KANK4: variants seen among roughly 807,000 people sequenced by gnomAD.
KANK4 encodes KN motif and ankyrin repeat domain-containing protein 4.
Under a neutral mutation model 80.8 loss-of-function variants are expected in KANK4, and 50 were observed. The observed-to-expected ratio is 0.62, with a 90% CI of 0.49 to 0.78. The LOEUF (loss-of-function observed/expected upper bound fraction) is 0.78. KANK4 is among the 30% of genes least tolerant of loss of function. The pLI is 0.00. For synonymous variants in KANK4, 465 were observed against 506.9 expected, an observed-to-expected ratio of 0.92 and a Z score of 1.11; for missense variants, 1,196 against 1,240.1, an observed-to-expected ratio of 0.96 and a Z score of 0.53.
chr1:62,267,731 G>A (rs1419892026), intron 5 of KANK4, among the ~76,000 whole-genome samples: 2 of 151,452 alleles, frequency 1.3e-5, no homozygotes, highest in Non-Finnish European at 2.9e-5. Flanking sequence ...GAACCCAAGA[G>A]GCAGAGGTTG....
intron 1 of KANK4, among the ~76,000 whole-genome samples, chr1:62,283,976 G>A (rs1672505965): frequency 6.6e-6 from 1 of 152,090 alleles, no homozygotes; most frequent in Non-Finnish European, 1.5e-5. Context: ...ATCATTTCAA[G>A]GCTACAGAAA....
intron 4 of KANK4, among the ~76,000 whole-genome samples, chr1:62,270,497 G>C (rs1002036664): frequency 1.1e-4 from 17 of 151,592 alleles, no homozygotes; most frequent in African/African-American, 3.9e-4. Flanking sequence ...CGATTCTCCT[G>C]CCTCAGCCTC....
At chr1:62,285,918 C>T (rs1045783965) in intron 1 of KANK4, among the ~76,000 whole-genome samples, 20 of 152,202 alleles carry the variant, frequency 1.3e-4, no homozygotes, top group Admixed American at 9.2e-4. Flanking sequence ...GGCATCTGAC[C>T]GCTGCTTCTA....
At chr1:62,278,691 G>A (rs75033759) in intron 2 of KANK4, among the ~76,000 whole-genome samples, 6,430 of 151,962 alleles carry the variant, frequency 0.042, 323 homozygotes, top group African/African-American at 0.13. Flanking sequence ...CACCACGCCC[G>A]GCTGACCCAC....
At position 62,237,107 on chromosome 1, in the gene KANK4, C is replaced by G. The variant is rs919151832; in HGVS notation, c.*1170G>C. ...CAATGTAAAGCTCATCAAACTTTGA[C>G]ATTACTTCTTTTTATATAAGGGGCT... On this transcript the variant is annotated 3_prime_UTR_variant, in exon 10 of 10. Coordinates refer to ENST00000371153, the MANE Select transcript of KANK4 (RefSeq NM_181712.5). 4.1e-5 allele frequency: 6 copies of G among 146,232 alleles called. No individual in the cohort carries two copies. The highest frequency in any genetic ancestry group is 1.5e-4 in the African/African-American group (6 of 39,852). The allele number at this position is 146,232 out of a possible 1,614,324, so 9.1% of individuals were successfully genotyped here.
chr1:62,247,831 T>G (rs1671508781), intron 8 of KANK4, among the ~76,000 whole-genome samples, 159 bp from the exon 9 acceptor site: 1 of 151,904 alleles, frequency 6.6e-6, no homozygotes, highest in Non-Finnish European at 1.5e-5. Flanking sequence ...CTTGGCAAAA[T>G]TCTACTCTTT....
At position 62,271,490 on chromosome 1, in the gene KANK4, C is replaced by T. The variant is rs200224484; in HGVS notation, c.2000G>A (p.Gly667Glu). 281 of 1,612,368 alleles carry T rather than the reference C, an allele frequency of 1.7e-4. No individual in the cohort carries two copies. Among genetic ancestry groups the T allele is most frequent in the Non-Finnish European group, 2.2e-4 (259 of 1,178,544 alleles). Residue 667 changes from glycine to glutamate, a missense_variant, in exon 4 of 10, where the codon GGG becomes GAG. By Grantham distance (98) the Gly-to-Glu change is moderately conservative. This residue lies in a region of KANK4 where 1,154 missense variants were observed against 1,179.6 expected (regional missense o/e 0.98). Coordinates refer to ENST00000371153, the MANE Select transcript of KANK4 (RefSeq NM_181712.5). ...AAGCGATGCTTACCCACCGTTAACC[C>T]CAACAAACTGAAGGTTCTTTTTGGT... ...NGTKKNLQFV[G>E]VNGGYETTSS...
chr1:62,275,867 A>AG (rs201978052), intron 2 of KANK4, among the ~76,000 whole-genome samples: 2,881 of 54,656 alleles, frequency 0.053, 55 homozygotes, highest in South Asian at 0.16. Flanking sequence ...GGAGGAAGGA[A>AG]GGGAGGAAGG....
At chr1:62,309,295 A>C (rs1057124969) in intron 1 of KANK4, among the ~76,000 whole-genome samples, 1 of 152,144 alleles carries the variant, frequency 6.6e-6, no homozygotes, top group East Asian at 1.9e-4. Context: ...TTACCTCCCA[A>C]AGATTGCATG....
chr1:62,241,404 A>G (rs751671554), intron 9 of KANK4, among the ~76,000 whole-genome samples: 2 of 152,136 alleles, frequency 1.3e-5, no homozygotes, highest in Non-Finnish European at 2.9e-5. Flanking sequence ...GGCTTCTCAA[A>G]ACATACAAAC....
chr1:62,278,359 TCC>T (rs1672364657), intron 2 of KANK4, among the ~76,000 whole-genome samples: 5 of 28,096 alleles, frequency 1.8e-4, no homozygotes, highest in African/African-American at 1.7e-3. Context: ...CTTCCTTCCT[TCC>T]TTCCTTCCTT....
At chr1:62,263,836 C>T (rs1374990337) in intron 6 of KANK4, among the ~76,000 whole-genome samples, 3 of 152,116 alleles carry the variant, frequency 2.0e-5, no homozygotes, top group Non-Finnish European at 4.4e-5. Flanking sequence ...AACAGGTGTG[C>T]TTGACATGTT....
chr1:62,239,246 T>C (rs886634113), intron 9 of KANK4, among the ~76,000 whole-genome samples: 3 of 152,168 alleles, frequency 2.0e-5, no homozygotes, highest in African/African-American at 7.2e-5. Context: ...AAAGGAATTA[T>C]ATTGTATACC....
In KANK4 at chr1:62,319,261, C is replaced by G. The variant is rs779267382; in HGVS notation, c.-226G>C. The G allele has an allele frequency of 6.6e-6, 1 of 151,910 alleles. No homozygotes were observed. The highest frequency in any genetic ancestry group is 1.5e-5 in the Non-Finnish European group (1 of 67,924). 9.4% of individuals were successfully genotyped at this position (151,910 alleles called of 1,614,324 possible). A position where few individuals can be genotyped will look rare whatever the true frequency, so the allele number is the denominator to read the frequency against. On this transcript the variant is annotated 5_prime_UTR_variant, in exon 1 of 10. Coordinates refer to ENST00000371153, the MANE Select transcript of KANK4 (RefSeq NM_181712.5). ...GGGGCTGGCGCACCCTGGTCGTCCG[C>G]GGCGCGCACACCCTCCAGGCGCCCT...
chr1:62,253,379 T>C (rs1226907077), intron 7 of KANK4, among the ~76,000 whole-genome samples, 170 bp from the exon 8 acceptor site: 1 of 151,034 alleles, frequency 6.6e-6, no homozygotes, highest in Admixed American at 6.7e-5. Context: ...TTAAAGATGG[T>C]TTCTTTTCTT....
chr1:62,259,850 C>T (rs1184103886), intron 7 of KANK4, among the ~76,000 whole-genome samples: 2 of 151,452 alleles, frequency 1.3e-5, no homozygotes, highest in African/African-American at 4.9e-5. Context: ...TAGCAGAAGG[C>T]CACATCTGTG....
chr1:62,274,691 C>A lies in KANK4; in HGVS notation c.413G>T (p.Arg138Ile), dbSNP rs556377113. The change falls in exon 3 of 10, where the codon AGA becomes ATA. Residue 138 changes from arginine to isoleucine, a missense_variant. This residue lies in a region of KANK4 where 1,154 missense variants were observed against 1,179.6 expected (regional missense o/e 0.98). Transcript: ENST00000371153. ...HRKALLAEAT[R>I]QLEAAEPEDA... ...CTCTGGCTCAGCAGCTTCCAACTGT[C>A]TGGTGGCCTCTGCCAACAGAGCCTT... 3.7e-6 allele frequency: 6 copies of A among 1,614,210 alleles called. No homozygotes were observed. The highest frequency in any genetic ancestry group is 3.3e-5 in the Admixed American group (2 of 60,034).
Position 62,274,230 on chromosome 1 carries a change from G to C in KANK4, c.874C>G (p.Pro292Ala), listed in dbSNP as rs537990507. 6.2e-7 allele frequency: 1 copy of C among 1,614,112 alleles called. No individual in the cohort carries two copies. The highest frequency in any genetic ancestry group is 1.7e-5 in the Admixed American group (1 of 60,022). ...AGGAGGAGCTCATTCTCAGGGATGGGTGATGGCAGAGGTGGCGGGCTTGGC... is the reference window on the plus strand; with the variant it reads ...AGGAGGAGCTCATTCTCAGGGATGGCTGATGGCAGAGGTGGCGGGCTTGGC... ...PTPSPPPLPS[P>A]IPENELLLEE... Residue 292 changes from proline to alanine, a missense_variant, in exon 3 of 10, where the codon CCC (proline) becomes GCC (alanine). This residue lies in a region of KANK4 where 1,154 missense variants were observed against 1,179.6 expected (regional missense o/e 0.98). Transcript: ENST00000371153.
intron 3 of KANK4, chr1:62,272,610 A>G (rs1672189672): frequency 6.6e-6 from 1 of 151,860 alleles, no homozygotes; most frequent in African/African-American, 2.4e-5. Flanking sequence ...CTGGCTTTCA[A>G]CTCTCATTTG....
Sources: allele counts gnomAD v4.1 joint callset (sites outside exome capture counted in the v4.1 genomes callset), GRCh38; gene constraint gnomAD v4.1.1; regional missense constraint gnomAD v4.1.1; transcripts MANE v1.5; gene names NCBI Gene and HGNC (gene_info 2026-07-23, HGNC 2026-07-21).